The following AREL1 variants were observed in gnomAD, a reference collection of about 807,000 sequenced individuals.
AREL1 encodes apoptosis resistant E3 ubiquitin protein ligase 1, also known as apoptosis-resistant E3 ubiquitin protein ligase 1.
A neutral mutation model predicts 99.0 loss-of-function variants in AREL1; 62 were observed. That is an observed-to-expected ratio of 0.63 (90% CI 0.51 to 0.77). The LOEUF (loss-of-function observed/expected upper bound fraction) is 0.77, where lower values mean the gene tolerates loss of function less well. Ranked by LOEUF, AREL1 falls within the 30% of genes least tolerant of loss-of-function variation. AREL1 has a pLI of 0.00. For synonymous variants in AREL1, 380 were observed against 376.5 expected (o/e 1.01, Z -0.11); for missense variants, 879 against 1,027.6 (o/e 0.86, Z 1.98).
chr14:74,710,591 C>T (rs188577024), intron 1 of AREL1, among the ~76,000 whole-genome samples: 2 of 151,984 alleles, frequency 1.3e-5, no homozygotes, highest in African/African-American at 4.8e-5. Context: ...CCAAGAGATA[C>T]ATCAAAAAAC....
In AREL1 at chr14:74,713,070, C is replaced by T. The variant is rs750101037; in HGVS notation, c.-471G>A. The stretch of plus-strand genomic sequence containing the variant: ...GGTCTCCACCCGGCCTGGGAACCGG[C>T]TCGGGGGATTGCCCTTTCCCCAAGG... On this transcript the variant is annotated 5_prime_UTR_variant, in exon 1 of 20. Coordinates refer to ENST00000356357, the MANE Select transcript of AREL1 (RefSeq NM_001039479.2). 5.1e-6 allele frequency: 8 copies of T among 1,576,024 alleles called. No individual in the cohort carries two copies. The highest frequency in any genetic ancestry group is 1.3e-5 in the African/African-American group (1 of 74,260).
chr14:74,682,188 T>G (rs2089645568), intron 5 of AREL1, among the ~76,000 whole-genome samples: 1 of 152,180 alleles, frequency 6.6e-6, no homozygotes, highest in African/African-American at 2.4e-5. Context: ...GAGAGCCACT[T>G]TGTCCAGAGC....
chr14:74,673,222 G>C lies in AREL1; in HGVS notation c.1159-4C>G. 1 of 1,613,448 alleles carries C rather than the reference G, an allele frequency of 6.2e-7. No individual in the cohort carries two copies. The highest frequency in any genetic ancestry group is 8.5e-7 in the Non-Finnish European group (1 of 1,179,954). On this transcript the variant is annotated splice_region_variant and splice_polypyrimidine_tract_variant and intron_variant, in intron 9 of 19. Coordinates refer to ENST00000356357, the MANE Select transcript of AREL1 (RefSeq NM_001039479.2). ...GGTCAGGACCAAGGTATGAAAACTGGTAAAGAAAAACAAAGAAATTAATCT... is the reference window on the plus strand; with the variant it reads ...GGTCAGGACCAAGGTATGAAAACTGCTAAAGAAAAACAAAGAAATTAATCT...
chr14:74,664,393 T>TC, intron 18 of AREL1, among the ~76,000 whole-genome samples: 2 of 151,486 alleles, frequency 1.3e-5, no homozygotes, highest in East Asian at 3.9e-4. Context: ...CATTTTTTTT[T>TC]CCCAGAAAAC....
chr14:74,697,318 A>C (rs1053047960), intron 1 of AREL1, among the ~76,000 whole-genome samples: 4 of 152,338 alleles, frequency 2.6e-5, no homozygotes, highest in Non-Finnish European at 4.4e-5. Context: ...TGTAAGATGC[A>C]ATCTCCAGCA....
intron 1 of AREL1, chr14:74,712,038 C>CAAAAAAAAAAAAAAAAAAAG (rs2090305546): frequency 3.5e-5 from 1 of 28,706 alleles, no homozygotes; most frequent in Non-Finnish European, 6.0e-5. Flanking sequence ...AGACAAAGTG[C>CAAAAAAAAAAAAAAAAAAAG]AAAAAAAAAA....
intron 10 of AREL1, 46 bp from the exon 11 acceptor site, chr14:74,672,998 C>G: frequency 6.2e-7 from 1 of 1,614,010 alleles, no homozygotes; most frequent in Non-Finnish European, 8.5e-7. Flanking sequence ...TACAAGCCAT[C>G]TGTGTAGTCC....
chr14:74,686,228 A>C (rs1358092921), intron 2 of AREL1, among the ~76,000 whole-genome samples: 1 of 152,220 alleles, frequency 6.6e-6, no homozygotes, highest in African/African-American at 2.4e-5. Flanking sequence ...TACCAATCAG[A>C]CAAACTAATG....
At chr14:74,712,080 A>AAAAAAAAAAAAAAAAAAAC (rs2090320575) in intron 1 of AREL1, 1 of 81,668 alleles carries the variant, frequency 1.2e-5, no homozygotes, top group Non-Finnish European at 3.3e-5. Context: ...AAAAAAAAGA[A>AAAAAAAAAAAAAAAAAAAC]AGAAAGAAAG....
In AREL1 at chr14:74,675,843, C is replaced by T; in HGVS notation, c.936G>A (p.Trp312Ter). The T allele has an allele frequency of 1.2e-6, 2 of 1,614,100 alleles. No homozygotes were observed. The highest frequency in any genetic ancestry group is 8.5e-7 in the Non-Finnish European group (1 of 1,180,014). The change falls in exon 8 of 20, where the codon TGG (tryptophan) becomes TGA (stop). Residue 312 changes from tryptophan (W) to a stop codon, truncating the protein, a stop_gained. Coordinates refer to ENST00000356357, the MANE Select transcript of AREL1 (RefSeq NM_001039479.2). LOFTEE classifies it high-confidence loss of function. ...YNATNCSSTPWHLPPMHMTSS... is the reference protein window; with the variant it reads ...YNATNCSSTP ...AGGTCATGTGCATGGGTGGCAGGTG[C>T]CATGGAGTGCTGCTACAGTTGGTAG...
In AREL1 at chr14:74,663,812, G is replaced by A; in HGVS notation, c.2380C>T (p.Leu794=). 1 of 1,614,198 alleles carries A rather than the reference G, an allele frequency of 6.2e-7. No homozygotes were observed. The highest frequency in any genetic ancestry group is 8.5e-7 in the Non-Finnish European group (1 of 1,180,036). Residue 794 remains leucine, a synonymous_variant, in exon 20 of 20, where the codon CTG becomes TTG. Transcript: ENST00000356357. ...LPTAHTCFNQ[L]CLPTYDSYEE... Reference sequence around the variant, plus strand: ...TAGGAGTCATATGTAGGGAGGCACAGCTGGTTAAAACTGGAAGGGCAAGGG... The same window carrying A: ...TAGGAGTCATATGTAGGGAGGCACAACTGGTTAAAACTGGAAGGGCAAGGG...
rs57373009 is a variant in AREL1, at chr14:74,699,376, TGAGAGA to T, written c.-333-7054_-333-7049del. Among the ~76,000 whole-genome samples, 6 of 135,616 alleles carry T rather than the reference TGAGAGA, an allele frequency of 4.4e-5. No individual in the cohort carries two copies. In the East Asian group the frequency reaches 6.0e-4, roughly 14 times the overall value. 89.0% of individuals were successfully genotyped at this position (135,616 alleles called of 152,430 possible). On this transcript the variant is annotated intron_variant, in intron 1 of 19. Coordinates refer to ENST00000356357, the MANE Select transcript of AREL1 (RefSeq NM_001039479.2). ...GTGTGTGTGTGTGTGTGTGTGTGTG[TGAGAGA>T]GAGAGAGAGAGAGCAAGAGCAAGAG...
intron 1 of AREL1, among the ~76,000 whole-genome samples, chr14:74,707,577 C>A (rs1004910919): frequency 5.3e-5 from 8 of 152,104 alleles, no homozygotes; most frequent in Non-Finnish European, 8.8e-5. Flanking sequence ...AGGTGGGTCA[C>A]AAGGTCAGGA....
At chr14:74,699,629 A>C (rs1379956205) in intron 1 of AREL1, among the ~76,000 whole-genome samples, 4 of 152,050 alleles carry the variant, frequency 2.6e-5, no homozygotes, top group Non-Finnish European at 5.9e-5. Flanking sequence ...CTTTATTTAA[A>C]ATAGTTTGGT....
intron 1 of AREL1, among the ~76,000 whole-genome samples, chr14:74,701,303 C>T (rs772438197): frequency 7.9e-5 from 12 of 152,016 alleles, no homozygotes; most frequent in Non-Finnish European, 1.5e-4. Context: ...CTGTTAAAGA[C>T]GTATCAGAGA....
intron 5 of AREL1, among the ~76,000 whole-genome samples, chr14:74,677,015 A>G (rs140225904): frequency 0.037 from 5,600 of 151,844 alleles, 219 homozygotes; most frequent in African/African-American, 0.099. Context: ...TAGCCAGGAT[A>G]GTCTCGATCT....
chr14:74,669,765 T>C lies in AREL1; in HGVS notation c.1798A>G (p.Thr600Ala). 1 of 1,614,204 alleles carries C rather than the reference T, an allele frequency of 6.2e-7. No individual in the cohort carries two copies. Among genetic ancestry groups the C allele is most frequent in the East Asian group, 2.2e-5 (1 of 44,878 alleles). ...GATTTGTAGAATTCTGGGTCATCTG[T>C]TTCAAAGTACTGAGGAGGCAGAAAG... The part of the protein sequence containing the change: ...GLRMHYKYFE[T>A]DDPEFYKSKV... Residue 600 changes from threonine to alanine, a missense_variant, in exon 15 of 20, where the codon ACA becomes GCA. Physicochemically the swap from Thr to Ala is moderately conservative, Grantham distance 58. Coordinates refer to ENST00000356357, the MANE Select transcript of AREL1 (RefSeq NM_001039479.2).
At chr14:74,675,618 A>G (rs1594760585) in intron 8 of AREL1, 81 bp downstream of exon 8, 1 of 1,531,436 alleles carries the variant, frequency 6.5e-7, no homozygotes, top group Non-Finnish European at 8.8e-7. Flanking sequence ...TCAGACTGTT[A>G]CTTTGTGGTT....
intron 1 of AREL1, among the ~76,000 whole-genome samples, chr14:74,709,362 T>C (rs2090241919): frequency 6.6e-6 from 1 of 152,220 alleles, no homozygotes; most frequent in African/African-American, 2.4e-5. Context: ...TAGTATTAAA[T>C]AAATATTACA....
Sources: gnomAD v4.1 joint callset for allele counts (sites outside exome capture counted in the v4.1 genomes callset) on GRCh38, gnomAD v4.1.1 for gene constraint, MANE v1.5 for transcripts, NCBI Gene and HGNC (gene_info 2026-07-23, HGNC 2026-07-21) for gene names.